Variants in FBXO11 observed in about 807,000 individuals in gnomAD.
The protein encoded by FBXO11 is F-box protein 11.
Under a neutral mutation model 117.0 loss-of-function variants are expected in FBXO11, and 13 were observed. The ratio of observed to expected loss-of-function variants is 0.11; its 90% confidence interval spans 0.07 to 0.18. FBXO11 has a LOEUF of 0.18. FBXO11 is among the 10% of genes least tolerant of loss of function. The pLI is 1.00. For synonymous variants in FBXO11, 490 were observed against 380.5 expected, an observed-to-expected ratio of 1.29 and a Z score of -3.35; for missense variants, 767 against 1,164.4, an observed-to-expected ratio of 0.66 and a Z score of 4.97.
intron 1 of FBXO11, among the ~76,000 whole-genome samples, chr2:47,859,483 A>G (rs1674586713): frequency 1.3e-5 from 2 of 152,358 alleles, no homozygotes; most frequent in South Asian, 4.1e-4. Context: ...AAAACTTGGC[A>G]AAGATTTAAA....
At position 47,905,521 on chromosome 2, in the gene FBXO11, AGCGGCGGAG is replaced by A. The variant is rs977093129; in HGVS notation, c.191_199del (p.Pro64_Pro66del). On this transcript the variant is annotated inframe_deletion, in exon 1 of 23. Transcript: ENST00000403359. ...GCCGACGTTGTTCCGCTCCTGAGGC[AGCGGCGGAG>A]GCGGCGGTGGCGGCGGCGGAGGCTG... 11 of 1,233,912 alleles carry A rather than the reference AGCGGCGGAG, an allele frequency of 8.9e-6. No homozygotes were observed. The highest frequency in any genetic ancestry group is 6.3e-5 in the African/African-American group (4 of 63,216). The allele number at this position is 1,233,912 out of a possible 1,614,324, so 76.4% of individuals were successfully genotyped here.
rs901666662 is a variant in FBXO11, at chr2:47,858,254, C to T, written c.233-18485G>A. 2.2e-4 allele frequency among the ~76,000 whole-genome samples: 33 copies of T among 152,084 alleles called. 1 individual carries two copies. The highest frequency in any genetic ancestry group is 7.9e-4 in the African/African-American group (33 of 41,536). ...TGAGCTCCTGACCTCAGGTGGTCCA[C>T]CCACCTCGGCCTCCCAAAGTGCTGG... On this transcript the variant is annotated intron_variant, in intron 1 of 22. Transcript: ENST00000403359.
chr2:47,872,684 A>G (rs1288869795), intron 1 of FBXO11, among the ~76,000 whole-genome samples: 2 of 152,200 alleles, frequency 1.3e-5, no homozygotes, highest in African/African-American at 4.8e-5. Flanking sequence ...TATTACAAGT[A>G]CACAGTAGAG....
At chr2:47,809,459 C>T (rs1670462034) in intron 20 of FBXO11, 141 bp downstream of exon 20, 2 of 718,890 alleles carry the variant, frequency 2.8e-6, no homozygotes, top group Non-Finnish European at 4.5e-6. Flanking sequence ...CATTTAGAAC[C>T]AAAGCTCTGT....
intron 1 of FBXO11, among the ~76,000 whole-genome samples, chr2:47,840,412 T>C (rs1442906852): frequency 6.6e-6 from 1 of 151,190 alleles, no homozygotes; most frequent in Non-Finnish European, 1.5e-5. Context: ...ACCAGGTAGG[T>C]TAAAAAGGGT....
chr2:47,871,686 AT>A (rs1374163803), intron 1 of FBXO11, among the ~76,000 whole-genome samples: 1 of 152,006 alleles, frequency 6.6e-6, no homozygotes, highest in East Asian at 1.9e-4. Context: ...TTTCCTTTTG[AT>A]TTCCAGGAGT....
intron 1 of FBXO11, among the ~76,000 whole-genome samples, chr2:47,886,498 T>A (rs1462936837): frequency 8.0e-5 from 11 of 137,496 alleles, no homozygotes; most frequent in African/African-American, 3.0e-4. Flanking sequence ...AGAGCGAGAC[T>A]CTCAAAAAAA....
intron 1 of FBXO11, among the ~76,000 whole-genome samples, chr2:47,893,374 A>G (rs1169935616): frequency 6.6e-6 from 1 of 152,154 alleles, no homozygotes; most frequent in Non-Finnish European, 1.5e-5. Context: ...ATATACACAC[A>G]TACTGGAGAT....
rs749969175 is a variant in FBXO11 at position 47,809,196 on chromosome 2, T to G, written c.2517A>C (p.Ile839=). The change falls in exon 21 of 23, where the codon ATA becomes ATC. Residue 839 remains isoleucine (I), a synonymous_variant. Transcript: ENST00000403359. ...GCATGGGATAGCTGGTATAACTTGA[T>G]ATTTTATATAAACATTGGCCTCTAC... ...AVSRGQCLYK[I]SSYTSYPMHD... 3.7e-6 allele frequency: 6 copies of G among 1,606,354 alleles called. No homozygotes were observed. The highest frequency in any genetic ancestry group is 5.1e-6 in the Non-Finnish European group (6 of 1,174,642).
intron 1 of FBXO11, among the ~76,000 whole-genome samples, chr2:47,896,283 G>A (rs1014866849): frequency 6.6e-6 from 1 of 151,008 alleles, no homozygotes; most frequent in Non-Finnish European, 1.5e-5. Flanking sequence ...ATTTGCCTCT[G>A]AAGAATCACT....
At chr2:47,839,027 C>CT in intron 3 of FBXO11, 24 bp from the exon 4 acceptor site, 1 of 1,586,476 alleles carries the variant, frequency 6.3e-7, no homozygotes. Context: ...AACATATAAA[C>CT]TATCATTCGA....
intron 1 of FBXO11, among the ~76,000 whole-genome samples, chr2:47,902,138 G>A (rs950443348): frequency 4.6e-5 from 7 of 151,944 alleles, no homozygotes; most frequent in Admixed American, 1.3e-4. Flanking sequence ...GTTTCACTAC[G>A]TTGGCCAGGC....
chr2:47,899,238 T>C (rs1021172023), intron 1 of FBXO11, among the ~76,000 whole-genome samples: 8 of 137,982 alleles, frequency 5.8e-5, no homozygotes, highest in African/African-American at 2.2e-4. Flanking sequence ...CGCGCCACTG[T>C]ACTCCAGCCT....
At chr2:47,905,164 C>A in intron 1 of FBXO11, 1 of 193,030 alleles carries the variant, frequency 5.2e-6, no homozygotes. Context: ...GCCTTCCCCC[C>A]GGCCACCAAC....
chr2:47,876,126 G>A (rs150384912), intron 1 of FBXO11, among the ~76,000 whole-genome samples: 1 of 152,292 alleles, frequency 6.6e-6, no homozygotes, highest in African/African-American at 2.4e-5. Flanking sequence ...CAGGTAGTCT[G>A]GCTGCAGAGC....
Position 47,826,346 on chromosome 2 carries a change from C to T in FBXO11, c.1399-2986G>A, listed in dbSNP as rs1271050637. On this transcript the variant is annotated intron_variant, in intron 11 of 22. Coordinates refer to ENST00000403359, the MANE Select transcript of FBXO11 (RefSeq NM_001190274.2). ...TGCTGGGATTACAGGTGTGAGCCAC[C>T]GCGCCCAGCTGATCCACAAGTTTTT... Among the ~76,000 whole-genome samples, 9 of 152,154 alleles carry T rather than the reference C, an allele frequency of 5.9e-5. No individual in the cohort carries two copies. The East Asian group carries it at 7.7e-4, about 13-fold the overall frequency.
chr2:47,873,505 T>A (rs1305719967), intron 1 of FBXO11, among the ~76,000 whole-genome samples: 1 of 152,082 alleles, frequency 6.6e-6, no homozygotes. Context: ...ATTTGGATTA[T>A]TTCCTGTAGC....
At chr2:47,845,514 T>C (rs1279360417) in intron 1 of FBXO11, among the ~76,000 whole-genome samples, 4 of 152,184 alleles carry the variant, frequency 2.6e-5, no homozygotes, top group African/African-American at 9.7e-5. Flanking sequence ...TCTGGGAAGA[T>C]AAGTTGGCTA....
intron 1 of FBXO11, among the ~76,000 whole-genome samples, chr2:47,874,769 A>C (rs946463732): frequency 6.6e-6 from 1 of 152,100 alleles, no homozygotes; most frequent in African/African-American, 2.4e-5. Context: ...TCCTGGCCTC[A>C]AGCGATCCAC....
Sources: allele counts gnomAD v4.1 joint callset (sites outside exome capture counted in the v4.1 genomes callset), GRCh38; gene constraint gnomAD v4.1.1; transcripts MANE v1.5; gene names NCBI Gene and HGNC (gene_info 2026-07-23, HGNC 2026-07-21).